CHD6: variants seen among roughly 807,000 people sequenced by gnomAD.
The protein encoded by CHD6 is chromodomain helicase DNA binding protein 6, also known as ATP-dependent chromatin remodeler CHD6.
In CHD6, 50 loss-of-function variants were observed where a neutral mutation model predicts 276.9. That is an observed-to-expected ratio of 0.18 (90% CI 0.14 to 0.23). The LOEUF (loss-of-function observed/expected upper bound fraction) is 0.23, where lower values mean the gene tolerates loss of function less well. CHD6 is among the 10% of genes least tolerant of loss of function. The pLI, the probability that CHD6 is intolerant of heterozygous loss-of-function variation, is 1.00. For missense variants in CHD6, 2,564 were observed against 3,365.8 expected, an observed-to-expected ratio of 0.76 and a Z score of 5.89; for synonymous variants, 1,173 against 1,229.3, an observed-to-expected ratio of 0.95 and a Z score of 0.96.
intron 36 of CHD6, among the ~76,000 whole-genome samples, chr20:41,408,753 A>C (rs1266087697): frequency 2.0e-5 from 3 of 152,234 alleles, no homozygotes; most frequent in Non-Finnish European, 2.9e-5. Context: ...GAGGGGGCAT[A>C]TTCCACCTCA....
At chr20:41,598,860 G>A (rs1270281380) in intron 1 of CHD6, among the ~76,000 whole-genome samples, 1 of 152,112 alleles carries the variant, frequency 6.6e-6, no homozygotes. Flanking sequence ...CAAATAAGTG[G>A]GGCAACACTT....
Position 41,448,013 on chromosome 20 carries a change from A to G in CHD6, c.3684-42T>C, listed in dbSNP as rs575597940. 27 of 1,217,340 alleles carry G rather than the reference A, an allele frequency of 2.2e-5. No homozygotes were observed. The South Asian group carries it at 3.3e-4, about 15-fold the overall frequency. 75.4% of individuals were successfully genotyped at this position (1,217,340 alleles called of 1,614,324 possible). On this transcript the variant is annotated intron_variant, in intron 23 of 36. Coordinates refer to ENST00000373233, the MANE Select transcript of CHD6 (RefSeq NM_032221.5). Reference sequence around the variant, plus strand: ...CATTAATGCAAACAAATTAGAACCCATAACTGTCTGTGAACCACATCCCCA... The same window carrying G: ...CATTAATGCAAACAAATTAGAACCCGTAACTGTCTGTGAACCACATCCCCA...
intron 1 of CHD6, among the ~76,000 whole-genome samples, chr20:41,578,426 C>G (rs1486388876): frequency 6.6e-6 from 1 of 152,074 alleles, no homozygotes; most frequent in African/African-American, 2.4e-5. Flanking sequence ...TAAAAAATTT[C>G]CGTGTTACTT....
chr20:41,516,627 T>C (rs1328175176), intron 3 of CHD6, among the ~76,000 whole-genome samples: 2 of 152,150 alleles, frequency 1.3e-5, no homozygotes, highest in East Asian at 3.9e-4. Flanking sequence ...TCTTGGGGAA[T>C]AGAACAGTGT....
At chr20:41,497,328 G>T in intron 8 of CHD6, 56 bp downstream of exon 8, 1 of 1,084,714 alleles carries the variant, frequency 9.2e-7, no homozygotes, top group Non-Finnish European at 1.4e-6. Flanking sequence ...CGTAAACACA[G>T]TATTTACTGC....
chr20:41,505,489 TC>T, intron 5 of CHD6, among the ~76,000 whole-genome samples: 1 of 152,258 alleles, frequency 6.6e-6, no homozygotes, highest in East Asian at 1.9e-4. Flanking sequence ...CTCGGCCCAC[TC>T]CCAGAACTGA....
rs1393888861 is a variant in CHD6 at position 41,512,995 on chromosome 20, T to G, written c.703A>C (p.Lys235Gln). 6.2e-7 allele frequency: 1 copy of G among 1,613,932 alleles called. No homozygotes were observed. The highest frequency in any genetic ancestry group is 1.3e-5 in the African/African-American group (1 of 74,930). Reference sequence around the variant, plus strand: ...TTTACTTGCCTTCCCGAGCGTCGTTTCTGTAGGGCAAACACACCCGTCAGA... The same window carrying G: ...TTTACTTGCCTTCCCGAGCGTCGTTGCTGTAGGGCAAACACACCCGTCAGA... ...EESTESTDSQKRRSGRQVKRR... is the reference protein window; with the variant it reads ...EESTESTDSQQRRSGRQVKRR... The change falls in exon 5 of 37, where the codon AAA becomes CAA. Residue 235 changes from lysine (K) to glutamine (Q), a missense_variant and splice_region_variant. Lys to Gln is a moderately conservative substitution (Grantham distance 53, BLOSUM62 1). Around this residue, in one of 7 missense-constraint regions of CHD6, gnomAD observed 286 missense variants for 297.8 expected, o/e 0.96. Coordinates refer to ENST00000373233, the MANE Select transcript of CHD6 (RefSeq NM_032221.5).
intron 17 of CHD6, among the ~76,000 whole-genome samples, chr20:41,469,859 C>T (rs1243520239): frequency 1.3e-5 from 2 of 152,198 alleles, no homozygotes; most frequent in Admixed American, 1.3e-4. Flanking sequence ...TCTCTCAGTG[C>T]TAACTTTAAT....
intron 17 of CHD6, 130 bp from the exon 18 acceptor site, chr20:41,457,558 T>C (rs2048414728): frequency 3.6e-6 from 4 of 1,098,930 alleles, no homozygotes; most frequent in Non-Finnish European, 1.3e-6. Flanking sequence ...ACAGGACTGA[T>C]TTCAGAACAG....
intron 35 of CHD6, among the ~76,000 whole-genome samples, chr20:41,412,603 T>C (rs2046873553): frequency 6.6e-6 from 1 of 152,236 alleles, no homozygotes; most frequent in Non-Finnish European, 1.5e-5. Flanking sequence ...GCTACTTGCC[T>C]GGCTGGTTTC....
At chr20:41,464,212 C>G (rs2042866945) in intron 17 of CHD6, among the ~76,000 whole-genome samples, 1 of 152,304 alleles carries the variant, frequency 6.6e-6, no homozygotes, top group African/African-American at 2.4e-5. Flanking sequence ...ACTTGATACA[C>G]AGCTAGATTC....
intron 1 of CHD6, among the ~76,000 whole-genome samples, chr20:41,592,852 T>C (rs536645168): frequency 1.3e-5 from 2 of 152,286 alleles, no homozygotes; most frequent in East Asian, 1.9e-4. Flanking sequence ...CATACCTTAG[T>C]ACAAACTCTG....
chr20:41,437,710 C>A (rs2047758368), intron 26 of CHD6, among the ~76,000 whole-genome samples: 1 of 152,138 alleles, frequency 6.6e-6, no homozygotes, highest in African/African-American at 2.4e-5. Context: ...TCAGGGATAC[C>A]AATATCGGCA....
intron 5 of CHD6, among the ~76,000 whole-genome samples, chr20:41,512,233 T>C (rs1326101928): frequency 6.6e-6 from 1 of 152,032 alleles, no homozygotes; most frequent in Non-Finnish European, 1.5e-5. Flanking sequence ...CCAAAAGTGC[T>C]GGGATTACAG....
intron 17 of CHD6, among the ~76,000 whole-genome samples, chr20:41,467,057 T>C (rs550610146): frequency 2.5e-3 from 377 of 152,296 alleles, no homozygotes; most frequent in Middle Eastern, 0.014. Context: ...GATGACACTA[T>C]GATGTCACCT....
At chr20:41,443,829 T>A (rs2047975393) in intron 25 of CHD6, among the ~76,000 whole-genome samples, 2 of 152,222 alleles carry the variant, frequency 1.3e-5, no homozygotes, top group Admixed American at 6.5e-5. Context: ...TATTGGCCCC[T>A]AAGCTTTCAG....
intron 6 of CHD6, among the ~76,000 whole-genome samples, chr20:41,498,807 A>ATG (rs753690840): frequency 0.024 from 2,826 of 117,470 alleles, 33 homozygotes; most frequent in East Asian, 0.033. Flanking sequence ...GTATGTATGT[A>ATG]TGTATGTGTG....
In CHD6 at chr20:41,487,654, T is replaced by C. The variant is rs376164526; in HGVS notation, c.2001+11A>G. 2.5e-6 allele frequency: 4 copies of C among 1,592,456 alleles called. No homozygotes were observed. The East Asian group carries it at 6.7e-5, about 27-fold the overall frequency. On this transcript the variant is annotated intron_variant, in intron 14 of 36. Transcript: ENST00000373233. ...CACACTGTCTCCTCAATTCTTTGGG[T>C]CCCTAATTACCTGCTCCTCTGTTTT...
At chr20:41,434,170 T>C (rs74721599) in intron 27 of CHD6, among the ~76,000 whole-genome samples, 4,623 of 152,262 alleles carry the variant, frequency 0.03, 82 homozygotes, top group South Asian at 0.042. Flanking sequence ...ATGCTATCTA[T>C]AGGAAACTCA....
Sources: gnomAD v4.1 joint callset for allele counts (sites outside exome capture counted in the v4.1 genomes callset) on GRCh38, gnomAD v4.1.1 for gene constraint, gnomAD v4.1.1 regional missense constraint, MANE v1.5 for transcripts, NCBI Gene and HGNC (gene_info 2026-07-23, HGNC 2026-07-21) for gene names.